Variants in ACTR3C observed in about 807,000 individuals in gnomAD.
The protein encoded by ACTR3C is actin related protein 3C.
In ACTR3C, 18 loss-of-function variants were observed where a neutral mutation model predicts 26.3. The observed-to-expected ratio is 0.68, with a 90% CI of 0.47 to 1.01. ACTR3C has a LOEUF of 1.01. ACTR3C is among the 50% of genes least tolerant of loss of function. The pLI is 0.00. For missense variants in ACTR3C, 184 were observed against 250.7 expected, an observed-to-expected ratio of 0.73 and a Z score of 1.80; for synonymous variants, 55 against 94.5, an observed-to-expected ratio of 0.58 and a Z score of 2.42.
the ACTR3C span, among the ~76,000 whole-genome samples, chr7:150,046,155 C>T: frequency 2.0e-5 from 3 of 152,146 alleles, no homozygotes; most frequent in African/African-American, 7.2e-5. Context: ...CAAAATCTGA[C>T]GCAGGGCTGT....
the ACTR3C span, among the ~76,000 whole-genome samples, chr7:150,224,308 T>C: frequency 6.6e-6 from 1 of 152,210 alleles, no homozygotes; most frequent in Admixed American, 6.5e-5. Flanking sequence ...TCTCCCCATG[T>C]GAAATACACT....
chr7:150,008,412 C>T, the ACTR3C span, among the ~76,000 whole-genome samples: 6 of 152,318 alleles, frequency 3.9e-5, no homozygotes, highest in East Asian at 5.8e-4. Context: ...GCACGTGGCT[C>T]CAGTTCATCT....
the ACTR3C span, among the ~76,000 whole-genome samples, chr7:149,997,427 T>C: frequency 4.0e-5 from 6 of 151,814 alleles, no homozygotes; most frequent in African/African-American, 1.2e-4. Context: ...TCCCTATGCA[T>C]TGGAATTCAA....
At chr7:150,287,448 G>T (rs1167278318) in intron 4 of ACTR3C, among the ~76,000 whole-genome samples, 7 of 152,012 alleles carry the variant, frequency 4.6e-5, no homozygotes, top group African/African-American at 1.7e-4. Context: ...AGTGTTTCAT[G>T]GGTATCTGGT....
chr7:150,038,623 G>A, the ACTR3C span, among the ~76,000 whole-genome samples: 1 of 142,434 alleles, frequency 7.0e-6, no homozygotes, highest in African/African-American at 2.7e-5. Flanking sequence ...CTGTTCCCGA[G>A]CTGCGTTCGG....
chr7:150,038,841 GT>G, the ACTR3C span, among the ~76,000 whole-genome samples: 1 of 138,804 alleles, frequency 7.2e-6, no homozygotes, highest in Non-Finnish European at 1.6e-5. Flanking sequence ...CTAAGAGCCA[GT>G]GGGGGAACCA....
At chr7:150,042,306 G>C in the ACTR3C span, among the ~76,000 whole-genome samples, 1 of 91,442 alleles carries the variant, frequency 1.1e-5, no homozygotes, top group Non-Finnish European at 2.3e-5. Context: ...GAGCCAGGGG[G>C]GGAAGAGGGA....
At chr7:150,180,450 T>C in the ACTR3C span, among the ~76,000 whole-genome samples, 6 of 150,458 alleles carry the variant, frequency 4.0e-5, no homozygotes, top group African/African-American at 1.3e-4. Flanking sequence ...CTGACCAGAA[T>C]ATTAGTATAG....
chr7:150,212,688 GC>G, the ACTR3C span, among the ~76,000 whole-genome samples: 1 of 152,196 alleles, frequency 6.6e-6, no homozygotes, highest in African/African-American at 2.4e-5. Context: ...AACTAGACAT[GC>G]CCTTGCTAAC....
chr7:149,969,474 G>C, the ACTR3C span, among the ~76,000 whole-genome samples: 1 of 152,142 alleles, frequency 6.6e-6, no homozygotes, highest in African/African-American at 2.4e-5. Context: ...AAGTTAGTGA[G>C]GGCCGTGCAT....
chr7:150,038,107 C>A, the ACTR3C span, among the ~76,000 whole-genome samples: 2 of 141,468 alleles, frequency 1.4e-5, no homozygotes, highest in South Asian at 2.2e-4. Context: ...TGATGGGAGT[C>A]CCAAGAGCCA....
chr7:150,220,632 C>T, the ACTR3C span, among the ~76,000 whole-genome samples: 1 of 151,860 alleles, frequency 6.6e-6, no homozygotes, highest in African/African-American at 2.4e-5. Flanking sequence ...CGGGAGCAAA[C>T]CCAAAAGGAG....
the ACTR3C span, among the ~76,000 whole-genome samples, chr7:150,216,462 G>T: frequency 1.3e-5 from 2 of 152,042 alleles, no homozygotes; most frequent in Non-Finnish European, 2.9e-5. Context: ...CCATCTTACT[G>T]TGTTGCCGAG....
At chr7:150,306,280 T>C (rs1041940289) in intron 1 of ACTR3C, among the ~76,000 whole-genome samples, 1 of 151,926 alleles carries the variant, frequency 6.6e-6, no homozygotes, top group Non-Finnish European at 1.5e-5. Flanking sequence ...AAAATTCCTG[T>C]GAGCTGTGTG....
the ACTR3C span, among the ~76,000 whole-genome samples, chr7:150,171,344 A>G: frequency 6.6e-6 from 1 of 150,474 alleles, no homozygotes; most frequent in South Asian, 2.1e-4. Context: ...ATATTTGGAA[A>G]CCAAATTATA....
At chr7:149,914,949 G>A in the ACTR3C span, among the ~76,000 whole-genome samples, 3 of 150,666 alleles carry the variant, frequency 2.0e-5, no homozygotes, top group South Asian at 2.1e-4. Flanking sequence ...GCACAATCTC[G>A]GCTCACTGCA....
chr7:150,181,836 T>C, the ACTR3C span, among the ~76,000 whole-genome samples: 11 of 150,342 alleles, frequency 7.3e-5, 1 homozygote, highest in South Asian at 1.7e-3. Context: ...AATACTGAAA[T>C]TGAGTATAAT....
chr7:150,289,401 A>C (rs556723540), intron 4 of ACTR3C, 49 bp downstream of exon 4: 4 of 1,524,152 alleles, frequency 2.6e-6, no homozygotes, highest in Non-Finnish European at 3.5e-6. Context: ...AGTGTCCAGA[A>C]CACCATCTCT....
At chr7:150,154,472 G>A in the ACTR3C span, among the ~76,000 whole-genome samples, 2 of 151,638 alleles carry the variant, frequency 1.3e-5, no homozygotes, top group African/African-American at 4.9e-5. Context: ...CAGAAACCAA[G>A]GCATTTCTGG....
Sources: allele counts gnomAD v4.1 joint callset (sites outside exome capture counted in the v4.1 genomes callset), GRCh38; gene constraint gnomAD v4.1.1; transcripts MANE v1.5; gene names NCBI Gene and HGNC (gene_info 2026-07-23, HGNC 2026-07-21).